The following TMBIM1 variants were observed in gnomAD, a reference collection of about 807,000 sequenced individuals.
TMBIM1 encodes protein lifeguard 3.
Under a neutral mutation model 45.1 loss-of-function variants are expected in TMBIM1, and 34 were observed. The ratio of observed to expected loss-of-function variants is 0.75; its 90% CI spans 0.57 to 1.00. The LOEUF is 1.00. Among genes scored for constraint, TMBIM1 ranks in the 50% least tolerant of loss-of-function variants. The probability of loss-of-function intolerance (pLI) is 0.00; values close to 1 mark genes in which losing one functional copy is unlikely to be tolerated. For synonymous variants in TMBIM1, 157 were observed against 153.5 expected, an observed-to-expected ratio of 1.02 and a Z score of -0.17; for missense variants, 374 against 402.4, an observed-to-expected ratio of 0.93 and a Z score of 0.60.
chr2:218,277,761 T>G (rs1022562652), intron 7 of TMBIM1, 91 bp from the exon 8 acceptor site: 2 of 1,579,854 alleles, frequency 1.3e-6, no homozygotes, highest in East Asian at 2.2e-5. Flanking sequence ...CTGCCAGAGC[T>G]GGGGAACGCC....
At chr2:218,278,108 G>T in intron 6 of TMBIM1, 134 bp from the exon 7 acceptor site, 1 of 986,082 alleles carries the variant, frequency 1.0e-6, no homozygotes, top group Non-Finnish European at 1.5e-6. Context: ...GGTTGGCATG[G>T]CCTTTGGCAC....
At chr2:218,279,115 G>A in intron 4 of TMBIM1, 24 bp from the exon 5 acceptor site, 1 of 1,613,944 alleles carries the variant, frequency 6.2e-7, no homozygotes, top group Non-Finnish European at 8.5e-7. Context: ...GAGGACAGGA[G>A]TAGTCACCCT....
rs532197281 is a variant in TMBIM1 at position 218,274,456 on chromosome 2, G to C, written c.*1019C>G. 1 of 154,190 alleles carries C rather than the reference G, an allele frequency of 6.5e-6. No individual in the cohort carries two copies. Among genetic ancestry groups the C allele is most frequent in the Admixed American group, 6.5e-5 (1 of 15,304 alleles). 9.6% of individuals were successfully genotyped at this position (154,190 alleles called of 1,614,324 possible). ...CAGTGCAACTTAAGACAAACAGAGA[G>C]AAGTCACCTTCCTCTTAGGACCCTC... is the stretch of plus-strand genomic sequence containing the variant. On this transcript the variant is annotated 3_prime_UTR_variant, in exon 12 of 12. Transcript: ENST00000258412.
At chr2:218,279,763 C>T (rs1317857435) in intron 3 of TMBIM1, among the ~76,000 whole-genome samples, 12 of 152,150 alleles carry the variant, frequency 7.9e-5, no homozygotes, top group African/African-American at 2.7e-4. Flanking sequence ...GGAAGGCGGG[C>T]GCTGTGGCAG....
chr2:218,288,784 G>T (rs1049077134), intron 1 of TMBIM1, among the ~76,000 whole-genome samples: 3 of 152,128 alleles, frequency 2.0e-5, no homozygotes, highest in African/African-American at 7.2e-5. Flanking sequence ...TGTTTTCTTG[G>T]GGGTGGAAGG....
intron 3 of TMBIM1, 145 bp downstream of exon 3, chr2:218,279,881 C>T: frequency 1.5e-6 from 1 of 674,096 alleles, no homozygotes; most frequent in East Asian, 2.7e-5. Context: ...CCAGGTGCCC[C>T]TCTGAGAAGC....
At chr2:218,282,931 C>T (rs901297753) in intron 1 of TMBIM1, among the ~76,000 whole-genome samples, 2 of 152,170 alleles carry the variant, frequency 1.3e-5, no homozygotes, top group South Asian at 2.1e-4. Flanking sequence ...CGGCAGCCTG[C>T]GACCACAGCT....
At chr2:218,289,301 G>A (rs763528525) in intron 1 of TMBIM1, among the ~76,000 whole-genome samples, 3 of 152,182 alleles carry the variant, frequency 2.0e-5, no homozygotes, top group Non-Finnish European at 2.9e-5. Flanking sequence ...CACTGTGAGA[G>A]CCACATCTCT....
intron 1 of TMBIM1, among the ~76,000 whole-genome samples, chr2:218,292,147 A>G (rs573953892): frequency 6.6e-6 from 1 of 152,212 alleles, no homozygotes; most frequent in African/African-American, 2.4e-5. Flanking sequence ...CAGAGAGGCC[A>G]CTCGTGCCCG....
intron 6 of TMBIM1, 145 bp downstream of exon 6, chr2:218,278,370 G>A (rs1162562991): frequency 1.7e-5 from 14 of 830,948 alleles, no homozygotes; most frequent in Non-Finnish European, 2.6e-5. Flanking sequence ...GTATACACCT[G>A]AACAGTAGCT....
Position 218,277,387 on chromosome 2 carries a change from G to T in TMBIM1, c.618C>A (p.Thr206=). ...IITAVVSISV[T]IFCFQTKVDF... is the part of the protein sequence containing the mutation. ...TCACCTTGGTCTGAAAGCAGAAGAT[G>T]GTGACTGAAATGGATACCACCGCAG... Residue 206 remains threonine, a synonymous_variant, in exon 9 of 12, where the codon ACC becomes ACA. Coordinates refer to ENST00000258412, the MANE Select transcript of TMBIM1 (RefSeq NM_022152.6). 1 of 1,614,124 alleles carries T rather than the reference G, an allele frequency of 6.2e-7. No individual in the cohort carries two copies. Among genetic ancestry groups the T allele is most frequent in the Non-Finnish European group, 8.5e-7 (1 of 1,180,020 alleles).
chr2:218,280,982 T>G (rs1691877528), intron 2 of TMBIM1: 1 of 150,880 alleles, frequency 6.6e-6, no homozygotes, highest in Admixed American at 6.6e-5. Flanking sequence ...CGGCTCATTT[T>G]TTGTATTTTT....
rs369968603 is a variant in TMBIM1, at chr2:218,281,956, C to A, written c.186G>T (p.Pro62=). ...AGGACTCACCGTAGTTCATGGGCAT[C>A]GGGTGGGTGGGGGGCATGGGCTGTG... ...GYPQPMPPTH[P]MPMNYGPGHG... The change falls in exon 2 of 12, where the codon CCG becomes CCT. Residue 62 remains proline, a synonymous_variant. Coordinates refer to ENST00000258412, the MANE Select transcript of TMBIM1 (RefSeq NM_022152.6). 1.3e-6 allele frequency: 2 copies of A among 1,598,678 alleles called. No individual in the cohort carries two copies. Among genetic ancestry groups the A allele is most frequent in the East Asian group, 4.5e-5 (2 of 44,310 alleles).
chr2:218,289,328 T>A (rs1427948590), intron 1 of TMBIM1, among the ~76,000 whole-genome samples: 1 of 152,122 alleles, frequency 6.6e-6, no homozygotes, highest in Non-Finnish European at 1.5e-5. Flanking sequence ...AGTTTTAACA[T>A]CAGTAAGACA....
intron 1 of TMBIM1, among the ~76,000 whole-genome samples, chr2:218,289,692 C>G (rs1416743788): frequency 6.8e-6 from 1 of 147,214 alleles, no homozygotes; most frequent in Admixed American, 6.8e-5. Flanking sequence ...TCTGAATGAA[C>G]AGCCTAACAG....
intron 11 of TMBIM1, 28 bp from the exon 12 acceptor site, chr2:218,275,649 G>C: frequency 6.3e-7 from 1 of 1,599,048 alleles, no homozygotes; most frequent in South Asian, 1.1e-5. Flanking sequence ...CCAGAAGTGA[G>C]AACTCAGGCA....
intron 1 of TMBIM1, among the ~76,000 whole-genome samples, chr2:218,283,836 G>A (rs1300411361): frequency 1.3e-5 from 2 of 152,060 alleles, no homozygotes; most frequent in Non-Finnish European, 1.5e-5. Flanking sequence ...CTCCCTAGAG[G>A]GGCTGGGATA....
chr2:218,290,656 G>A lies in TMBIM1; in HGVS notation c.-41+1810C>T, dbSNP rs950274266. Among the ~76,000 whole-genome samples the A allele has an allele frequency of 5.3e-5, 8 of 152,280 alleles. No individual in the cohort carries two copies. In the East Asian group the frequency reaches 5.8e-4, roughly 11 times the overall value. Reference sequence around the variant, plus strand: ...ACCCCTAACCTCACCTCTGTGCAACGGGGCAAAGCACAAATCATTACAGAC... The same window carrying A: ...ACCCCTAACCTCACCTCTGTGCAACAGGGCAAAGCACAAATCATTACAGAC... On this transcript the variant is annotated intron_variant, in intron 1 of 11. Coordinates refer to ENST00000258412, the MANE Select transcript of TMBIM1 (RefSeq NM_022152.6).
At chr2:218,276,106 CA>C (rs780220708) in intron 10 of TMBIM1, 27 bp from the exon 11 acceptor site, 1 of 1,609,478 alleles carries the variant, frequency 6.2e-7, no homozygotes, top group Non-Finnish European at 8.5e-7. Context: ...CAGAGAATGG[CA>C]TTAGAAACCT....
Sources: allele counts gnomAD v4.1 joint callset (sites outside exome capture counted in the v4.1 genomes callset), GRCh38; gene constraint gnomAD v4.1.1; transcripts MANE v1.5; gene names NCBI Gene and HGNC (gene_info 2026-07-23, HGNC 2026-07-21).